Variants in SCN3A observed in about 807,000 individuals in gnomAD.
SCN3A encodes sodium channel protein type 3 subunit alpha.
SCN3A carries 60 observed loss-of-function variants against 187.6 expected under a neutral mutation model. That is an observed-to-expected ratio of 0.32 (90% CI 0.26 to 0.40). The LOEUF (loss-of-function observed/expected upper bound fraction) is 0.40. SCN3A is among the 10% of genes least tolerant of loss of function. The pLI, the probability that SCN3A is intolerant of heterozygous loss-of-function variation, is 1.00. For synonymous variants in SCN3A, 788 were observed against 829.2 expected, an observed-to-expected ratio of 0.95 and a Z score of 0.85; for missense variants, 1,601 against 2,428.2, an observed-to-expected ratio of 0.66 and a Z score of 7.16.
rs1688361815 is a variant in SCN3A, at chr2:165,146,784, A to G, written c.1626T>C (p.Asp542=). 1 of 1,614,048 alleles carries G rather than the reference A, an allele frequency of 6.2e-7. No homozygotes were observed. Among genetic ancestry groups the G allele is most frequent in the Non-Finnish European group, 8.5e-7 (1 of 1,179,936 alleles). The change falls in exon 12 of 28, where the codon GAT becomes GAC. Residue 542 remains aspartate (D), a synonymous_variant. Transcript: ENST00000283254. ...VKRSSFLFSM[D]GNRLTSDKKF... is the part of the protein sequence containing the mutation. ...TTTTGTCACTGGTCAGTCTGTTTCC[A>G]TCCATGGAGAAAAGGAAGCTGCTTC...
chr2:165,117,471 T>C (rs970454312), intron 18 of SCN3A, among the ~76,000 whole-genome samples: 1 of 152,114 alleles, frequency 6.6e-6, no homozygotes, highest in East Asian at 1.9e-4. Flanking sequence ...CATAAATATA[T>C]GTACATATTT....
chr2:165,182,777 G>C (rs1359613954), intron 2 of SCN3A, among the ~76,000 whole-genome samples: 1 of 152,080 alleles, frequency 6.6e-6, no homozygotes. Context: ...ATGGATCTGA[G>C]ACTCAGAAAG....
intron 1 of SCN3A, among the ~76,000 whole-genome samples, chr2:165,196,894 C>A (rs16850230): frequency 6.6e-6 from 1 of 151,806 alleles, no homozygotes; most frequent in Non-Finnish European, 1.5e-5. Flanking sequence ...TACTCTTATT[C>A]GATTATTCAA....
rs1463699426 is a variant in SCN3A, at chr2:165,162,027, A to G, written c.1031+281T>C. ...CTAACAGCTCTGATAGATGTACAGC[A>G]AAGACAGACTCTGGGCCTTCACACA... is the stretch of plus-strand genomic sequence containing the variant. On this transcript the variant is annotated intron_variant, in intron 9 of 27. Transcript: ENST00000283254. 2.6e-5 allele frequency among the ~76,000 whole-genome samples: 4 copies of G among 152,198 alleles called. No homozygotes were observed. The East Asian group carries it at 7.7e-4, about 29-fold the overall frequency.
At chr2:165,163,800 A>G (rs1410738342) in intron 6 of SCN3A, 91 bp from the exon 7 acceptor site, 1 of 1,613,694 alleles carries the variant, frequency 6.2e-7, no homozygotes, top group African/African-American at 1.3e-5. Flanking sequence ...GTTTCTTCTT[A>G]CCTGGAATTA....
At chr2:165,184,655 G>A (rs2105948546) in intron 2 of SCN3A, among the ~76,000 whole-genome samples, 1 of 152,218 alleles carries the variant, frequency 6.6e-6, no homozygotes, top group Non-Finnish European at 1.5e-5. Context: ...AAGAAATGTA[G>A]CAATATAGTC....
intron 18 of SCN3A, among the ~76,000 whole-genome samples, chr2:165,123,437 T>C (rs1686806689): frequency 6.6e-6 from 1 of 152,170 alleles, no homozygotes; most frequent in East Asian, 1.9e-4. Flanking sequence ...ATACAGTAAC[T>C]AGAGTTTCCA....
At chr2:165,147,292 GGGGT>G (rs201154682) in intron 11 of SCN3A, among the ~76,000 whole-genome samples, 2,295 of 134,640 alleles carry the variant, frequency 0.017, 53 homozygotes, top group African/African-American at 0.052. Flanking sequence ...TTGGGGGGGG[GGGGT>G]TGGTGACAAC....
At chr2:165,165,801 A>G (rs1689720755) in intron 5 of SCN3A, among the ~76,000 whole-genome samples, 1 of 152,248 alleles carries the variant, frequency 6.6e-6, no homozygotes, top group Non-Finnish European at 1.5e-5. Context: ...GAACAAAGAC[A>G]TCAAGAATAA....
chr2:165,199,499 T>C (rs1174709657), intron 1 of SCN3A, among the ~76,000 whole-genome samples: 1 of 151,896 alleles, frequency 6.6e-6, no homozygotes, highest in Non-Finnish European at 1.5e-5. Context: ...TATTCATAGA[T>C]CTTGGGTAAA....
At chr2:165,147,283 T>TTG (rs1688410661) in intron 11 of SCN3A, among the ~76,000 whole-genome samples, 1 of 130,076 alleles carries the variant, frequency 7.7e-6, no homozygotes, top group Non-Finnish European at 1.6e-5. Flanking sequence ...GTCTTTTTTT[T>TTG]GGGGGGGGGG....
intron 9 of SCN3A, among the ~76,000 whole-genome samples, chr2:165,160,835 T>C (rs924116763): frequency 3.9e-5 from 6 of 152,078 alleles, no homozygotes; most frequent in Non-Finnish European, 5.9e-5. Context: ...GAGACAAGGT[T>C]TCGCCATGTT....
chr2:165,146,862 G>T lies in SCN3A; in HGVS notation c.1548C>A (p.Asn516Lys), dbSNP rs761889365. ...RRQREHLEGN[N>K]KGERDSFPKS... ...TGGGAAAGCTGTCTCTCTCTCCTTTGTTGTTTCCTTCAAGGTGCTCTCTCT... is the reference window on the plus strand; with the variant it reads ...TGGGAAAGCTGTCTCTCTCTCCTTTTTTGTTTCCTTCAAGGTGCTCTCTCT... The change falls in exon 12 of 28, where the codon AAC becomes AAA. Residue 516 changes from asparagine to lysine, a missense_variant. Asn to Lys is a moderately conservative substitution (Grantham distance 94). Coordinates refer to ENST00000283254, the MANE Select transcript of SCN3A (RefSeq NM_006922.4). 14 of 1,614,010 alleles carry T rather than the reference G, an allele frequency of 8.7e-6. No individual in the cohort carries two copies. Among genetic ancestry groups the T allele is most frequent in the Non-Finnish European group, 1.2e-5 (14 of 1,179,948 alleles).
intron 23 of SCN3A, 101 bp downstream of exon 23, chr2:165,097,151 A>T: frequency 7.5e-7 from 1 of 1,329,460 alleles, no homozygotes; most frequent in Non-Finnish European, 1.1e-6. Flanking sequence ...ACTTTTTTTC[A>T]TGCTGTCAAA....
chr2:165,098,939 A>G (rs1277026150), intron 22 of SCN3A, among the ~76,000 whole-genome samples: 1 of 152,238 alleles, frequency 6.6e-6, no homozygotes, highest in Admixed American at 6.5e-5. Flanking sequence ...GAGTAATGGT[A>G]AAAGTTTGGT....
intron 12 of SCN3A, among the ~76,000 whole-genome samples, chr2:165,142,836 C>T (rs1688093672): frequency 6.6e-6 from 1 of 151,930 alleles, no homozygotes; most frequent in Non-Finnish European, 1.5e-5. Flanking sequence ...CTGCAATCTC[C>T]ACCTCCCAAG....
chr2:165,139,492 C>T lies in SCN3A; in HGVS notation c.2136G>A (p.Leu712=), dbSNP rs1687866332. The change falls in exon 14 of 28, where the codon CTG becomes CTA. Residue 712 remains leucine (L), a synonymous_variant. Transcript: ENST00000283254. The stretch of plus-strand genomic sequence containing the variant: ...GCTTCTTACCTTCCATTGTGTTGGT[C>T]AGAATGCTGGCTATGCTCACGGCTC... ...RQRAVSIASI[L]TNTMEELEES... is the part of the protein sequence containing the mutation. The T allele has an allele frequency of 8.7e-6, 14 of 1,613,880 alleles. No homozygotes were observed. The highest frequency in any genetic ancestry group is 1.2e-5 in the Non-Finnish European group (14 of 1,179,870).
intron 19 of SCN3A, among the ~76,000 whole-genome samples, chr2:165,114,796 C>T (rs1686280750): frequency 6.6e-6 from 1 of 152,094 alleles, no homozygotes; most frequent in African/African-American, 2.4e-5. Flanking sequence ...CACACCATTG[C>T]CAAGGAGTTC....
chr2:165,137,404 A>G (rs1293037784), intron 15 of SCN3A, among the ~76,000 whole-genome samples: 1 of 152,170 alleles, frequency 6.6e-6, no homozygotes, highest in African/African-American at 2.4e-5. Context: ...ATGCAAATTT[A>G]GCAACTATTT....
Sources: gnomAD v4.1 joint callset for allele counts (sites outside exome capture counted in the v4.1 genomes callset) on GRCh38, gnomAD v4.1.1 for gene constraint, MANE v1.5 for transcripts, NCBI Gene and HGNC (gene_info 2026-07-23, HGNC 2026-07-21) for gene names.